The following ARSK variants were observed in gnomAD, a reference collection of about 807,000 sequenced individuals.
The protein encoded by ARSK is arylsulfatase family member K, also known as arylsulfatase K.
ARSK carries 37 observed loss-of-function variants against 53.2 expected under a neutral mutation model. The ratio of observed to expected loss-of-function variants is 0.70; its 90% confidence interval spans 0.54 to 0.92. The LOEUF is 0.92. ARSK is among the 40% of genes least tolerant of loss of function. The pLI, the probability that ARSK is intolerant of heterozygous loss-of-function variation, is 0.00. For missense variants in ARSK, 613 were observed against 643.0 expected (o/e 0.95, Z 0.51); for synonymous variants, 208 against 223.2 (o/e 0.93, Z 0.61).
chr5:95,584,866 C>T (rs1749084150), intron 4 of ARSK, among the ~76,000 whole-genome samples: 1 of 151,916 alleles, frequency 6.6e-6, no homozygotes, highest in Non-Finnish European at 1.5e-5. Flanking sequence ...TGAAAATTAG[C>T]AGGTGTGGTG....
intron 3 of ARSK, among the ~76,000 whole-genome samples, chr5:95,568,394 G>T (rs141833962): frequency 6.6e-6 from 1 of 151,532 alleles, no homozygotes; most frequent in African/African-American, 2.4e-5. Context: ...TGCTGCTTTC[G>T]TTGGTCAGTT....
Position 95,580,721 on chromosome 5 carries a change from A to C in ARSK, c.417-2195A>C, listed in dbSNP as rs573835438. 2.7e-4 allele frequency among the ~76,000 whole-genome samples: 41 copies of C among 152,310 alleles called. No individual in the cohort carries two copies. The South Asian group carries it at 4.3e-3, about 16-fold the overall frequency. ...GGTTGGGCTGGCCCAGGAAGTAGTG[A>C]AAGTAGAATGGAGAGTCATTGATTA... On this transcript the variant is annotated intron_variant, in intron 3 of 7. Coordinates refer to ENST00000380009, the MANE Select transcript of ARSK (RefSeq NM_198150.3).
chr5:95,603,205 A>G (rs1749434206), intron 7 of ARSK, 32 bp from the exon 8 acceptor site: 1 of 1,503,438 alleles, frequency 6.7e-7, no homozygotes, highest in African/African-American at 1.4e-5. Context: ...GCAGGTCACT[A>G]TTTTGACAGA....
At chr5:95,560,866 G>A (rs1228325547) in intron 1 of ARSK, among the ~76,000 whole-genome samples, 1 of 147,464 alleles carries the variant, frequency 6.8e-6, no homozygotes, top group Non-Finnish European at 1.5e-5. Flanking sequence ...GTGCAGTGGC[G>A]CAATCTCGGC....
intron 1 of ARSK, among the ~76,000 whole-genome samples, chr5:95,563,481 CGTT>C (rs1748674451): frequency 6.6e-6 from 1 of 152,188 alleles, no homozygotes; most frequent in African/African-American, 2.4e-5. Context: ...CTGATGGAAT[CGTT>C]GGGAACTTTC....
chr5:95,568,993 A>G (rs1267215703), intron 3 of ARSK, among the ~76,000 whole-genome samples: 2 of 152,218 alleles, frequency 1.3e-5, no homozygotes, highest in Non-Finnish European at 2.9e-5. Context: ...CTGAGACTCC[A>G]ACCGGACACT....
chr5:95,575,216 A>T (rs2112425310), intron 3 of ARSK, among the ~76,000 whole-genome samples: 1 of 152,206 alleles, frequency 6.6e-6, no homozygotes, highest in African/African-American at 2.4e-5. Context: ...GTCTGTTTTT[A>T]TGCCAGTACC....
At chr5:95,583,681 A>G (rs888369323) in intron 4 of ARSK, among the ~76,000 whole-genome samples, 1 of 152,192 alleles carries the variant, frequency 6.6e-6, no homozygotes, top group Non-Finnish European at 1.5e-5. Context: ...CACTAGAAAC[A>G]TTGAGAATTA....
intron 3 of ARSK, among the ~76,000 whole-genome samples, chr5:95,568,920 T>C (rs1169024269): frequency 6.6e-6 from 1 of 152,196 alleles, no homozygotes; most frequent in Non-Finnish European, 1.5e-5. Flanking sequence ...ACTGATTCTC[T>C]AATGAGCAGA....
At chr5:95,588,423 G>C (rs1314411033) in intron 5 of ARSK, among the ~76,000 whole-genome samples, 1 of 151,746 alleles carries the variant, frequency 6.6e-6, no homozygotes, top group Non-Finnish European at 1.5e-5. Context: ...TTTTAGTAGA[G>C]ACGGGGTTTC....
rs1561357390 is a variant in ARSK at position 95,555,227 on chromosome 5, G to C, written c.-52G>C. Reference sequence around the variant, plus strand: ...TGCCCTGCTCTGCTAGGGAGAGAACGCCAGAGGGAGGCGGCTGGCCCGGCG... The same window carrying C: ...TGCCCTGCTCTGCTAGGGAGAGAACCCCAGAGGGAGGCGGCTGGCCCGGCG... On this transcript the variant is annotated 5_prime_UTR_variant, in exon 1 of 8. Coordinates refer to ENST00000380009, the MANE Select transcript of ARSK (RefSeq NM_198150.3). The surrounding 1 kb of genome is among the most constrained non-coding windows in gnomAD (Gnocchi z 4.0). 3 of 1,526,254 alleles carry C rather than the reference G, an allele frequency of 2.0e-6. No homozygotes were observed. Among genetic ancestry groups the C allele is most frequent in the Non-Finnish European group, 2.6e-6 (3 of 1,132,956 alleles). The allele number at this position is 1,526,254 out of a possible 1,614,324, so 94.5% of individuals were successfully genotyped here.
intron 6 of ARSK, among the ~76,000 whole-genome samples, chr5:95,598,149 T>G (rs987420639): frequency 6.6e-6 from 1 of 152,156 alleles, no homozygotes; most frequent in Admixed American, 6.5e-5. Flanking sequence ...GGCCTGCATT[T>G]TTACCATTTG....
chr5:95,557,420 C>G (rs1337660531), intron 1 of ARSK, among the ~76,000 whole-genome samples: 1 of 151,976 alleles, frequency 6.6e-6, no homozygotes, highest in Non-Finnish European at 1.5e-5. Context: ...TTGTTTTATG[C>G]CAAATATTTT....
At chr5:95,603,164 C>A in intron 7 of ARSK, 73 bp from the exon 8 acceptor site, 1 of 1,158,606 alleles carries the variant, frequency 8.6e-7, no homozygotes, top group Non-Finnish European at 1.2e-6. Context: ...AATACATTAC[C>A]TGTCATAATG....
In ARSK at chr5:95,601,069, T is replaced by TAC. The variant is rs771319401; in HGVS notation, c.1319_1320insAC (p.Phe440LeufsTer11). On this transcript the variant is annotated frameshift_variant and splice_region_variant, in exon 7 of 8. Coordinates refer to ENST00000380009, the MANE Select transcript of ARSK (RefSeq NM_198150.3). LOFTEE classifies it high-confidence loss of function. ...GGTGCATCAATATTGCCTCAACTCT[T>TAC]TGGTAAGTTTGTTAATATATTTTTA... The TAC allele has an allele frequency of 6.2e-7, 1 of 1,609,460 alleles. No homozygotes were observed. The highest frequency in any genetic ancestry group is 8.5e-7 in the Non-Finnish European group (1 of 1,175,892).
chr5:95,568,173 T>C, intron 3 of ARSK, 124 bp downstream of exon 3: 1 of 1,036,142 alleles, frequency 9.7e-7, no homozygotes, highest in Non-Finnish European at 1.3e-6. Flanking sequence ...AATCCCTTCA[T>C]TGTGTTAATT....
chr5:95,601,876 G>A (rs1479674998), intron 7 of ARSK, among the ~76,000 whole-genome samples: 4 of 152,148 alleles, frequency 2.6e-5, no homozygotes, highest in Non-Finnish European at 5.9e-5. Flanking sequence ...ATCCTGATGA[G>A]TAATGGGCAT....
chr5:95,561,706 G>A (rs184656751), intron 1 of ARSK, among the ~76,000 whole-genome samples: 73 of 152,238 alleles, frequency 4.8e-4, no homozygotes, highest in African/African-American at 1.7e-3. Context: ...ACATAGAGCC[G>A]GAAAGTAGGT....
chr5:95,583,232 A>G (rs1749051915), intron 4 of ARSK, 34 bp downstream of exon 4: 1 of 1,446,650 alleles, frequency 6.9e-7, no homozygotes, highest in Admixed American at 2.2e-5. Context: ...TCAAAAGTAG[A>G]TTTATATATG....
Sources: allele counts gnomAD v4.1 joint callset (sites outside exome capture counted in the v4.1 genomes callset), GRCh38; gene constraint gnomAD v4.1.1; non-coding constraint Gnocchi (gnomAD v3.1); transcripts MANE v1.5; gene names NCBI Gene and HGNC (gene_info 2026-07-23, HGNC 2026-07-21).